Variants in NFIX observed in about 807,000 individuals in gnomAD.
The protein encoded by NFIX is nuclear factor I X.
NFIX carries 2 observed loss-of-function variants against 53.3 expected under a neutral mutation model. The ratio of observed to expected loss-of-function variants is 0.04; its 90% confidence interval spans 0.02 to 0.12. The LOEUF is 0.12. Among genes scored for constraint, NFIX ranks in the 10% least tolerant of loss-of-function variants. The probability of loss-of-function intolerance (pLI) is 1.00; values close to 1 mark genes in which losing one functional copy is unlikely to be tolerated. For synonymous variants in NFIX, 244 were observed against 289.0 expected, an observed-to-expected ratio of 0.84 and a Z score of 1.58; for missense variants, 310 against 674.5, an observed-to-expected ratio of 0.46 and a Z score of 5.99.
At chr19:13,042,761 G>T (rs1198885347) in intron 2 of NFIX, among the ~76,000 whole-genome samples, 1 of 143,666 alleles carries the variant, frequency 7.0e-6, no homozygotes, top group South Asian at 2.2e-4. Flanking sequence ...GTTGTGTTGC[G>T]TTCATCCCCA....
intron 2 of NFIX, among the ~76,000 whole-genome samples, chr19:13,056,744 G>T (rs1270258865): frequency 6.6e-6 from 1 of 152,192 alleles, no homozygotes; most frequent in Non-Finnish European, 1.5e-5. Flanking sequence ...AATTTGTGGG[G>T]CCCAGTGCAA....
intron 2 of NFIX, among the ~76,000 whole-genome samples, chr19:13,034,974 G>C (rs1047580144): frequency 5.9e-5 from 9 of 152,242 alleles, no homozygotes; most frequent in African/African-American, 1.7e-4. Context: ...GGACTGTCTT[G>C]GACATTGTAG....
chr19:13,039,652 G>A (rs906791731), intron 2 of NFIX, among the ~76,000 whole-genome samples: 2 of 152,164 alleles, frequency 1.3e-5, no homozygotes, highest in African/African-American at 2.4e-5. Flanking sequence ...TGCTGGGCGA[G>A]GCCCCGTTTC....
At chr19:13,023,975 C>G (rs1310602686) in intron 1 of NFIX, 12 of 1,284,000 alleles carry the variant, frequency 9.3e-6, no homozygotes, top group Non-Finnish European at 1.2e-5. Flanking sequence ...ACTCACAACT[C>G]TTTTGAGTCC....
intron 2 of NFIX, chr19:13,070,756 C>T (rs966076663): frequency 2.0e-5 from 3 of 152,370 alleles, no homozygotes; most frequent in African/African-American, 7.2e-5. Flanking sequence ...CCCACTTGCT[C>T]CTTTACACAG....
intron 1 of NFIX, chr19:13,024,534 G>C: frequency 1.3e-6 from 2 of 1,526,878 alleles, no homozygotes; most frequent in South Asian, 1.2e-5. Context: ...TCGGGGACCA[G>C]AGGCGGCCCC....
At position 13,040,458 on chromosome 19, in the gene NFIX, C is replaced by T. The variant is rs777453134; in HGVS notation, c.559+14906C>T. On this transcript the variant is annotated intron_variant, in intron 2 of 10. Transcript: ENST00000592199. The surrounding 1 kb of genome is among the most constrained non-coding windows in gnomAD (Gnocchi z 4.2). ...CCACGCTAGCCTGGTGGATGCCCTG[C>T]GGCAGGGATTGGCAGGGATCAGTCC... 1.3e-5 allele frequency among the ~76,000 whole-genome samples: 2 copies of T among 152,256 alleles called. No homozygotes were observed. The highest frequency in any genetic ancestry group is 2.4e-5 in the African/African-American group (1 of 41,460).
chr19:13,082,144 G>T, intron 8 of NFIX: 1 of 419,126 alleles, frequency 2.4e-6, no homozygotes. Context: ...CAGCAGGAGT[G>T]AACTCATGAT....
Position 13,072,850 on chromosome 19 carries a change from C to T in NFIX, c.560-197C>T, listed in dbSNP as rs1388460674. On this transcript the variant is annotated intron_variant, in intron 2 of 10. Transcript: ENST00000592199. The surrounding 1 kb of genome is among the most constrained non-coding windows in gnomAD (Gnocchi z 4.0). ...CAGTGCTGAGGCTGAGAAACCTGCACTGGGCCTGTCTTTCCTTCTCTGCTT... is the reference window on the plus strand; with the variant it reads ...CAGTGCTGAGGCTGAGAAACCTGCATTGGGCCTGTCTTTCCTTCTCTGCTT... Among the ~76,000 whole-genome samples the T allele has an allele frequency of 6.6e-6, 1 of 152,212 alleles. No homozygotes were observed. The highest frequency in any genetic ancestry group is 1.5e-5 in the Non-Finnish European group (1 of 68,036).
intron 1 of NFIX, among the ~76,000 whole-genome samples, chr19:13,008,983 C>A (rs1372374440): frequency 6.6e-6 from 1 of 152,210 alleles, no homozygotes; most frequent in African/African-American, 2.4e-5. Context: ...CAGGTCCTCA[C>A]CGAGGTAGAT....
Position 13,060,502 on chromosome 19 carries a change from C to A in NFIX, c.560-12545C>A, listed in dbSNP as rs1198022298. 6.6e-6 allele frequency among the ~76,000 whole-genome samples: 1 copy of A among 152,224 alleles called. No individual in the cohort carries two copies. The highest frequency in any genetic ancestry group is 1.5e-5 in the Non-Finnish European group (1 of 68,036). The stretch of plus-strand genomic sequence containing the variant: ...GCGCCTGCTGTGTGCAGAATCTACC[C>A]CGAAACCTATAGCTTAGGAGAAGCC... On this transcript the variant is annotated intron_variant, in intron 2 of 10. Transcript: ENST00000592199. The surrounding 1 kb of genome is among the most constrained non-coding windows in gnomAD (Gnocchi z 4.3).
At chr19:13,087,539 C>T (rs1365817036) in intron 8 of NFIX, among the ~76,000 whole-genome samples, 2 of 152,020 alleles carry the variant, frequency 1.3e-5, no homozygotes, top group Non-Finnish European at 2.9e-5. Context: ...TGAACCAGCT[C>T]AGCCCGACAG....
chr19:13,026,825 A>T (rs917466160), intron 2 of NFIX, among the ~76,000 whole-genome samples: 10 of 149,320 alleles, frequency 6.7e-5, no homozygotes, highest in African/African-American at 2.2e-4. Flanking sequence ...TCCTCTCTTT[A>T]TGCGAATTTG....
chr19:13,024,003 C>T (rs968604123), intron 1 of NFIX: 22 of 1,330,014 alleles, frequency 1.7e-5, no homozygotes, highest in Admixed American at 7.1e-5. Context: ...CAGAATCGGG[C>T]GTTGGGCTTT....
At chr19:13,050,634 T>C (rs1408162950) in intron 2 of NFIX, among the ~76,000 whole-genome samples, 1 of 152,212 alleles carries the variant, frequency 6.6e-6, no homozygotes, top group Non-Finnish European at 1.5e-5. Context: ...CAGATTTGTA[T>C]GTCTGCCCCT....
In NFIX at chr19:13,036,572, C is replaced by T. The variant is rs565133756; in HGVS notation, c.559+11020C>T. ...GGAGCGATCGGGAGATCCCCGGAGG[C>T]GACCTGCAGGAGGCCAGCCGAGTGC... is the stretch of plus-strand genomic sequence containing the variant. On this transcript the variant is annotated intron_variant, in intron 2 of 10. Coordinates refer to ENST00000592199, the MANE Select transcript of NFIX (RefSeq NM_001365902.3). This position sits in a 1 kb window ranked among gnomAD's most constrained non-coding sequence, Gnocchi z 4.7. 5.3e-5 allele frequency among the ~76,000 whole-genome samples: 8 copies of T among 152,214 alleles called. No homozygotes were observed. The highest frequency in any genetic ancestry group is 1.2e-4 in the Non-Finnish European group (8 of 67,998).
At position 13,000,034 on chromosome 19, in the gene NFIX, CAG is replaced by C. The variant is rs200298090; in HGVS notation, c.27+4171_27+4172del. Reference sequence around the variant, plus strand: ...TCAGAGCCGAGGGCTCTGCCGGGAACAGGGTGCTCCAGTCTCTCTAGGGCCTG... The same window carrying C: ...TCAGAGCCGAGGGCTCTGCCGGGAACGGTGCTCCAGTCTCTCTAGGGCCTG... On this transcript the variant is annotated intron_variant, in intron 1 of 10. Transcript: ENST00000592199. Among the ~76,000 whole-genome samples, 270 of 152,316 alleles carry C rather than the reference CAG, an allele frequency of 1.8e-3. 2 individuals carry two copies. The highest frequency in any genetic ancestry group is 0.01 in the Middle Eastern group (3 of 294).
intron 2 of NFIX, among the ~76,000 whole-genome samples, chr19:13,041,933 T>C (rs545906365): frequency 6.6e-6 from 1 of 152,168 alleles, no homozygotes; most frequent in Non-Finnish European, 1.5e-5. Context: ...AGTCTCGCTC[T>C]GTCGCCCAGG....
intron 2 of NFIX, among the ~76,000 whole-genome samples, chr19:13,054,057 C>G (rs866452144): frequency 1.6e-4 from 24 of 152,326 alleles, no homozygotes; most frequent in Middle Eastern, 6.8e-3. Context: ...GCTCCTCCCC[C>G]ACCCAGCCTG....
Sources: allele counts gnomAD v4.1 joint callset (sites outside exome capture counted in the v4.1 genomes callset), GRCh38; gene constraint gnomAD v4.1.1; non-coding constraint Gnocchi (gnomAD v3.1); transcripts MANE v1.5; gene names NCBI Gene and HGNC (gene_info 2026-07-23, HGNC 2026-07-21).